MON2: variants seen among roughly 807,000 people sequenced by gnomAD.
MON2 encodes the protein protein MON2 homolog.
A neutral mutation model predicts 208.6 loss-of-function variants in MON2; 84 were observed. The observed-to-expected ratio is 0.40, with a 90% CI of 0.34 to 0.48. The LOEUF is 0.48. MON2 is among the 20% of genes least tolerant of loss of function. MON2 has a pLI of 0.59. For missense variants in MON2, 1,611 were observed against 2,015.4 expected, an observed-to-expected ratio of 0.80 and a Z score of 3.84; for synonymous variants, 660 against 694.0, an observed-to-expected ratio of 0.95 and a Z score of 0.77.
chr12:62,500,927 T>C, intron 6 of MON2, 47 bp downstream of exon 6: 1 of 1,226,650 alleles, frequency 8.2e-7, no homozygotes, highest in Non-Finnish European at 1.1e-6. Context: ...TATAGTTTTG[T>C]GTGAATTTTT....
At chr12:62,510,286 T>C (rs1419893661) in intron 8 of MON2, among the ~76,000 whole-genome samples, 2 of 152,136 alleles carry the variant, frequency 1.3e-5, no homozygotes, top group East Asian at 3.8e-4. Context: ...TCCAAGCTCA[T>C]TTTATGAGGC....
At chr12:62,510,277 C>T (rs529862638) in intron 8 of MON2, among the ~76,000 whole-genome samples, 1 of 152,124 alleles carries the variant, frequency 6.6e-6, no homozygotes, top group East Asian at 1.9e-4. Flanking sequence ...GAGAAAACTT[C>T]CAAGCTCATT....
At chr12:62,565,863 A>G in intron 27 of MON2, 151 bp from the exon 28 acceptor site, 1 of 651,126 alleles carries the variant, frequency 1.5e-6, no homozygotes, top group East Asian at 2.9e-5. Context: ...GGCAAATTTT[A>G]ACTTTGTTTA....
intron 16 of MON2, 45 bp downstream of exon 16, chr12:62,537,751 A>G (rs372633113): frequency 1.4e-6 from 2 of 1,388,940 alleles, no homozygotes; most frequent in Non-Finnish European, 2.0e-6. Context: ...GTTTTTATAT[A>G]TAATTGCTAA....
intron 8 of MON2, among the ~76,000 whole-genome samples, chr12:62,521,709 G>C (rs1191188058): frequency 6.6e-6 from 1 of 152,080 alleles, no homozygotes; most frequent in Non-Finnish European, 1.5e-5. Flanking sequence ...AGGTATATTA[G>C]AATTTATCAC....
At chr12:62,572,130 G>A (rs775953308) in intron 30 of MON2, among the ~76,000 whole-genome samples, 2 of 152,182 alleles carry the variant, frequency 1.3e-5, no homozygotes, top group Non-Finnish European at 2.9e-5. Context: ...ATTTGCTGAG[G>A]TCCATCTAGA....
chr12:62,565,341 G>A lies in MON2; in HGVS notation c.4137G>A (p.Gln1379=), dbSNP rs1185699009. The change falls in exon 27 of 35, where the codon CAG becomes CAA. Residue 1379 remains glutamine (Q), a synonymous_variant. Coordinates refer to ENST00000393630, the MANE Select transcript of MON2 (RefSeq NM_015026.3). The part of the protein sequence containing the change: ...EFSCKPPQYG[Q]LETKHIANAK... Reference sequence around the variant, plus strand: ...CCTGTAAACCTCCACAGTATGGACAGCTGGAAACAAAGCACATTGCAAATG... The same window carrying A: ...CCTGTAAACCTCCACAGTATGGACAACTGGAAACAAAGCACATTGCAAATG... The A allele has an allele frequency of 6.2e-7, 1 of 1,611,072 alleles. No homozygotes were observed. Among genetic ancestry groups the A allele is most frequent in the South Asian group, 1.1e-5 (1 of 90,582 alleles).
chr12:62,489,072 A>G (rs1028365546), intron 2 of MON2, among the ~76,000 whole-genome samples: 8 of 152,106 alleles, frequency 5.3e-5, no homozygotes, highest in Non-Finnish European at 1.2e-4. Context: ...TAGTTTAACA[A>G]TTTCCTTATG....
Position 62,547,052 on chromosome 12 carries a change from A to T in MON2, c.2733A>T (p.Gly911=). 1.9e-6 allele frequency: 3 copies of T among 1,589,470 alleles called. No homozygotes were observed. The highest frequency in any genetic ancestry group is 2.6e-6 in the Non-Finnish European group (3 of 1,166,646). Residue 911 remains glycine, a synonymous_variant, in exon 22 of 35, where the codon GGA becomes GGT. Transcript: ENST00000393630. The part of the protein sequence containing the change: ...PGWPLVLGVM[G]AIRNDQGESL... ...GGCCATTAGTGCTTGGAGTCATGGG[A>T]GCAATCAGAAATGATCAAGGGTAAG...
At chr12:62,474,714 G>T (rs548802202) in intron 1 of MON2, among the ~76,000 whole-genome samples, 1 of 152,176 alleles carries the variant, frequency 6.6e-6, no homozygotes, top group Non-Finnish European at 1.5e-5. Context: ...GTGAGCCATC[G>T]CGGCCAGCCA....
chr12:62,518,677 A>G (rs2071831517), intron 8 of MON2, among the ~76,000 whole-genome samples: 1 of 152,142 alleles, frequency 6.6e-6, no homozygotes, highest in Non-Finnish European at 1.5e-5. Context: ...CCAGCAACAG[A>G]AAAAAATGGA....
intron 19 of MON2, among the ~76,000 whole-genome samples, chr12:62,542,486 A>G (rs1874881): frequency 0.82 from 124,845 of 152,110 alleles, 51,429 homozygotes; most frequent in African/African-American, 0.88. Context: ...CATTAATATT[A>G]GATTAGAGAT....
chr12:62,570,180 A>G (rs2074537315), intron 29 of MON2, among the ~76,000 whole-genome samples: 1 of 152,156 alleles, frequency 6.6e-6, no homozygotes, highest in African/African-American at 2.4e-5. Context: ...ACCTGTCTCA[A>G]AAGTTGATCA....
intron 1 of MON2, among the ~76,000 whole-genome samples, chr12:62,473,218 T>C (rs1041108779): frequency 9.2e-5 from 14 of 152,344 alleles, no homozygotes; most frequent in Non-Finnish European, 1.5e-4. Flanking sequence ...TTTGCATCCT[T>C]AGACTCTAAT....
chr12:62,519,700 A>G (rs909611780), intron 8 of MON2, among the ~76,000 whole-genome samples: 2 of 152,230 alleles, frequency 1.3e-5, no homozygotes, highest in African/African-American at 4.8e-5. Context: ...ACACATAACG[A>G]TGAAAATCTG....
intron 1 of MON2, among the ~76,000 whole-genome samples, chr12:62,480,968 T>C (rs897359484): frequency 5.9e-5 from 9 of 152,212 alleles, no homozygotes; most frequent in Non-Finnish European, 1.3e-4. Flanking sequence ...TTCCACTGCC[T>C]CAGTAAGAAA....
At chr12:62,528,523 T>C (rs1035739578) in intron 11 of MON2, among the ~76,000 whole-genome samples, 1 of 152,218 alleles carries the variant, frequency 6.6e-6, no homozygotes, top group Admixed American at 6.5e-5. Context: ...TCTAATAAAG[T>C]AGCACTGAAA....
intron 8 of MON2, among the ~76,000 whole-genome samples, chr12:62,519,058 A>G (rs1226085213): frequency 1.3e-5 from 2 of 152,190 alleles, no homozygotes; most frequent in Non-Finnish European, 2.9e-5. Flanking sequence ...TAATTCTTAT[A>G]CTTTTTAGTC....
chr12:62,553,276 A>G (rs767839675), intron 24 of MON2, 102 bp downstream of exon 24: 18 of 1,132,696 alleles, frequency 1.6e-5, no homozygotes, highest in Middle Eastern at 2.7e-4. Context: ...AAGAATTTCC[A>G]TGCATTTGTG....
Sources: gnomAD v4.1 joint callset for allele counts (sites outside exome capture counted in the v4.1 genomes callset) on GRCh38, gnomAD v4.1.1 for gene constraint, MANE v1.5 for transcripts, NCBI Gene and HGNC (gene_info 2026-07-23, HGNC 2026-07-21) for gene names.